Variants in SGK3 observed in about 807,000 individuals in gnomAD.
SGK3 encodes serine/threonine-protein kinase Sgk3.
SGK3 carries 47 observed loss-of-function variants against 68.5 expected under a neutral mutation model. The observed-to-expected ratio is 0.69, with a 90% CI of 0.54 to 0.87. The LOEUF is 0.87. Ranked by LOEUF, SGK3 falls within the 40% of genes least tolerant of loss-of-function variation. The pLI, the probability that SGK3 is intolerant of heterozygous loss-of-function variation, is 0.00. For missense variants in SGK3, 479 were observed against 575.5 expected (o/e 0.83, Z 1.72); for synonymous variants, 181 against 189.1 (o/e 0.96, Z 0.35).
intron 8 of SGK3, among the ~76,000 whole-genome samples, chr8:66,834,970 T>C (rs1205524668): frequency 6.8e-6 from 1 of 146,678 alleles, no homozygotes; most frequent in African/African-American, 2.5e-5. Context: ...ACCAACAAAG[T>C]GCAGTAAAAC....
intron 5 of SGK3, among the ~76,000 whole-genome samples, chr8:66,817,066 A>G (rs1034758772): frequency 1.3e-5 from 2 of 150,324 alleles, no homozygotes; most frequent in African/African-American, 2.4e-5. Flanking sequence ...CTGACCTCAG[A>G]TGATCTGCCT....
At chr8:66,737,828 C>T (rs1805369430) in intron 1 of SGK3, among the ~76,000 whole-genome samples, 1 of 151,978 alleles carries the variant, frequency 6.6e-6, no homozygotes, top group Non-Finnish European at 1.5e-5. Context: ...GTTGCCCAAG[C>T]TGGTCTTGAG....
At chr8:66,763,847 TCTTC>T (rs1806240663) in intron 1 of SGK3, among the ~76,000 whole-genome samples, 2 of 152,136 alleles carry the variant, frequency 1.3e-5, no homozygotes, top group Non-Finnish European at 2.9e-5. Context: ...TTACTAATTT[TCTTC>T]CTTTTTAAAA....
chr8:66,817,233 C>A (rs1808626316), intron 5 of SGK3, among the ~76,000 whole-genome samples: 1 of 151,946 alleles, frequency 6.6e-6, no homozygotes, highest in Admixed American at 6.6e-5. Flanking sequence ...GAGATGGAGA[C>A]CATCCTGGCC....
chr8:66,731,046 A>G (rs1306574127), intron 1 of SGK3, among the ~76,000 whole-genome samples: 1 of 152,150 alleles, frequency 6.6e-6, no homozygotes, highest in East Asian at 1.9e-4. Flanking sequence ...ACTTAAAAGT[A>G]TATTGTTTAA....
intron 1 of SGK3, among the ~76,000 whole-genome samples, chr8:66,721,524 G>A (rs1048218458): frequency 6.6e-6 from 1 of 152,138 alleles, no homozygotes; most frequent in African/African-American, 2.4e-5. Context: ...AAGAAACATA[G>A]ACATTATAAA....
At chr8:66,817,409 G>A (rs575048607) in intron 5 of SGK3, among the ~76,000 whole-genome samples, 310 of 150,824 alleles carry the variant, frequency 2.1e-3, no homozygotes, top group African/African-American at 7.0e-3. Flanking sequence ...CCAGCCTGGC[G>A]ACAGAGTGAG....
At chr8:66,840,363 T>C in intron 12 of SGK3, 116 bp downstream of exon 12, 1 of 1,051,192 alleles carries the variant, frequency 9.5e-7, no homozygotes, top group Non-Finnish European at 1.3e-6. Flanking sequence ...TATAACATTC[T>C]CAAAATGACA....
chr8:66,767,177 A>G (rs574628305), intron 1 of SGK3, among the ~76,000 whole-genome samples: 38 of 152,132 alleles, frequency 2.5e-4, no homozygotes, highest in African/African-American at 8.9e-4. Context: ...TTTGTTTTCT[A>G]TTTATCTGTT....
chr8:66,827,375 A>T lies in SGK3; in HGVS notation c.418-1279A>T, dbSNP rs375753967. ...CCATCCAGCCTGGGCAACAAGAGTG[A>T]AACTCTATCTCAAAAAAAAAAAAAA... On this transcript the variant is annotated intron_variant, in intron 6 of 16. Coordinates refer to ENST00000521198, the MANE Select transcript of SGK3 (RefSeq NM_001033578.3). Among the ~76,000 whole-genome samples the T allele has an allele frequency of 3.3e-4, 49 of 148,690 alleles. No individual in the cohort carries two copies. The East Asian group carries it at 9.2e-3, about 28-fold the overall frequency.
At chr8:66,739,954 A>G (rs552838676) in intron 1 of SGK3, among the ~76,000 whole-genome samples, 18 of 152,284 alleles carry the variant, frequency 1.2e-4, no homozygotes, top group African/African-American at 4.3e-4. Context: ...TCAATTACCT[A>G]CCACTGGGTC....
chr8:66,819,003 T>C (rs1243876846), intron 5 of SGK3, among the ~76,000 whole-genome samples: 5 of 152,258 alleles, frequency 3.3e-5, no homozygotes, highest in African/African-American at 4.8e-5. Context: ...GATTTACCAG[T>C]TGTACACTTT....
intron 1 of SGK3, among the ~76,000 whole-genome samples, chr8:66,719,625 G>T (rs1052936224): frequency 6.6e-6 from 1 of 152,048 alleles, no homozygotes; most frequent in Non-Finnish European, 1.5e-5. Flanking sequence ...TGCCCATCCT[G>T]TTTCTTATTT....
Position 66,813,878 on chromosome 8 carries a change from A to C in SGK3, c.279A>C (p.Gly93=). Residue 93 remains glycine, a synonymous_variant, in exon 5 of 17, where the codon GGA becomes GGC. Coordinates refer to ENST00000521198, the MANE Select transcript of SGK3 (RefSeq NM_001033578.3). The part of the protein sequence containing the change: ...DPDFIKQRRA[G]LNEFIQNLVR... ...ATTTTATTAAACAAAGACGAGCAGG[A>C]CTAAACGAATTCATTCAGAACCTAG... 1 of 1,588,162 alleles carries C rather than the reference A, an allele frequency of 6.3e-7. No homozygotes were observed. The highest frequency in any genetic ancestry group is 8.6e-7 in the Non-Finnish European group (1 of 1,168,592).
At chr8:66,720,510 C>T (rs1804764411) in intron 1 of SGK3, among the ~76,000 whole-genome samples, 1 of 152,122 alleles carries the variant, frequency 6.6e-6, no homozygotes, top group Admixed American at 6.5e-5. Flanking sequence ...TGGCTCACGC[C>T]TGTAATCCCA....
intron 1 of SGK3, among the ~76,000 whole-genome samples, chr8:66,791,094 G>A (rs893081552): frequency 5.9e-5 from 9 of 152,182 alleles, no homozygotes; most frequent in Non-Finnish European, 1.2e-4. Context: ...GCAAAGTCAG[G>A]AAGCTGTTAT....
chr8:66,774,164 T>C (rs745685111), intron 1 of SGK3, among the ~76,000 whole-genome samples: 44 of 152,210 alleles, frequency 2.9e-4, no homozygotes, highest in Non-Finnish European at 4.4e-4. Context: ...CTCGTTTTAC[T>C]GATAAGCAAA....
chr8:66,840,273 C>T, intron 12 of SGK3, 26 bp downstream of exon 12: 1 of 1,545,922 alleles, frequency 6.5e-7, no homozygotes, highest in African/African-American at 1.4e-5. Flanking sequence ...TAAAAATCTA[C>T]TAGTTCTCAA....
At chr8:66,849,705 C>T (rs1810184101) in intron 15 of SGK3, among the ~76,000 whole-genome samples, 1 of 151,386 alleles carries the variant, frequency 6.6e-6, no homozygotes, top group Non-Finnish European at 1.5e-5. Flanking sequence ...AAGTGATCCT[C>T]CCACCTCAGC....
Sources: gnomAD v4.1 joint callset for allele counts (sites outside exome capture counted in the v4.1 genomes callset) on GRCh38, gnomAD v4.1.1 for gene constraint, MANE v1.5 for transcripts, NCBI Gene and HGNC (gene_info 2026-07-23, HGNC 2026-07-21) for gene names.